Variants in DRD2 observed in about 807,000 individuals in gnomAD.
The protein encoded by DRD2 is D(2) dopamine receptor.
A neutral mutation model predicts 38.0 loss-of-function variants in DRD2; 8 were observed. The ratio of observed to expected loss-of-function variants is 0.21; its 90% CI spans 0.12 to 0.38. The LOEUF is 0.38. Ranked by LOEUF, DRD2 falls within the 10% of genes least tolerant of loss-of-function variation. The probability of loss-of-function intolerance (pLI) is 1.00; values close to 1 mark genes in which losing one functional copy is unlikely to be tolerated. For missense variants in DRD2, 403 were observed against 607.7 expected (o/e 0.66, Z 3.54); for synonymous variants, 230 against 238.6 (o/e 0.96, Z 0.33).
chr11:113,434,338 G>C (rs571688229), intron 1 of DRD2, among the ~76,000 whole-genome samples: 3 of 152,350 alleles, frequency 2.0e-5, no homozygotes, highest in Admixed American at 1.3e-4. Context: ...CGTCCATGGA[G>C]ATAGCATCTC....
At chr11:113,433,843 T>G (rs1221450035) in intron 1 of DRD2, among the ~76,000 whole-genome samples, 1 of 152,182 alleles carries the variant, frequency 6.6e-6, no homozygotes, top group African/African-American at 2.4e-5. Flanking sequence ...GAATTAAACC[T>G]GGCCAGCAGT....
chr11:113,441,826 T>C (rs565235557), intron 1 of DRD2, among the ~76,000 whole-genome samples: 2 of 151,540 alleles, frequency 1.3e-5, no homozygotes, highest in African/African-American at 2.4e-5. Context: ...CTACTAAAAA[T>C]ATAAAAAATT....
chr11:113,412,935 C>T, intron 6 of DRD2, 52 bp from the exon 7 acceptor site: 2 of 1,558,708 alleles, frequency 1.3e-6, no homozygotes, highest in African/African-American at 2.7e-5. Flanking sequence ...TCCCAGGCAT[C>T]AGCCACCCAT....
chr11:113,435,334 G>T (rs868410026), intron 1 of DRD2, among the ~76,000 whole-genome samples: 273 of 152,120 alleles, frequency 1.8e-3, no homozygotes, highest in Middle Eastern at 0.017. Flanking sequence ...TCAGTGTGGG[G>T]GGGGGTGGGG....
At chr11:113,454,825 C>T (rs901890326) in intron 1 of DRD2, among the ~76,000 whole-genome samples, 2 of 152,158 alleles carry the variant, frequency 1.3e-5, no homozygotes, top group African/African-American at 4.8e-5. Context: ...AAGAAGTAAA[C>T]CCATGCATCT....
chr11:113,463,216 A>T (rs1484151240), intron 1 of DRD2, among the ~76,000 whole-genome samples: 1 of 152,236 alleles, frequency 6.6e-6, no homozygotes, highest in Non-Finnish European at 1.5e-5. Context: ...AAGGCTCACC[A>T]AATCAGCAAT....
At chr11:113,420,331 C>T (rs1234974859) in intron 2 of DRD2, among the ~76,000 whole-genome samples, 2 of 152,206 alleles carry the variant, frequency 1.3e-5, no homozygotes, top group Non-Finnish European at 2.9e-5. Context: ...CCTTCATGGA[C>T]ATCTTAAATC....
At chr11:113,439,597 C>T (rs1269298587) in intron 1 of DRD2, among the ~76,000 whole-genome samples, 1 of 151,870 alleles carries the variant, frequency 6.6e-6, no homozygotes, top group African/African-American at 2.4e-5. Context: ...CCCAGCACTT[C>T]GAGAGGCTGA....
chr11:113,429,524 C>T (rs189105659), intron 1 of DRD2, among the ~76,000 whole-genome samples: 217 of 152,218 alleles, frequency 1.4e-3, no homozygotes, highest in African/African-American at 4.4e-3. Context: ...GGATTACAGG[C>T]GTGAGCCACC....
rs1359379112 is a variant in DRD2, at chr11:113,410,931, G to A, written c.1139-11C>T. 4.4e-6 allele frequency: 7 copies of A among 1,605,266 alleles called. No homozygotes were observed. Among genetic ancestry groups the A allele is most frequent in the Admixed American group, 1.7e-5 (1 of 59,826 alleles). On this transcript the variant is annotated splice_polypyrimidine_tract_variant and intron_variant, in intron 7 of 7. Transcript: ENST00000362072. ...AGATGATGAACACGCCTGGGGGAGAGGGCATGGTCAGGCTGGTCCCCAGAG... is the reference window on the plus strand; with the variant it reads ...AGATGATGAACACGCCTGGGGGAGAAGGCATGGTCAGGCTGGTCCCCAGAG...
At chr11:113,446,312 C>T (rs1292172191) in intron 1 of DRD2, among the ~76,000 whole-genome samples, 2 of 152,312 alleles carry the variant, frequency 1.3e-5, no homozygotes, top group African/African-American at 2.4e-5. Context: ...CTACCCCCGG[C>T]GCTGAGTCAG....
At chr11:113,433,397 G>A (rs1055915342) in intron 1 of DRD2, among the ~76,000 whole-genome samples, 1 of 152,196 alleles carries the variant, frequency 6.6e-6, no homozygotes, top group Admixed American at 6.5e-5. Flanking sequence ...TACTGTGGGG[G>A]AACAGGTCTG....
chr11:113,415,662 A>T (rs778351726), intron 4 of DRD2, 51 bp from the exon 5 acceptor site: 1 of 1,561,914 alleles, frequency 6.4e-7, no homozygotes, highest in Non-Finnish European at 8.7e-7. Flanking sequence ...CCCACCGGCC[A>T]TAATTCCACA....
At chr11:113,438,179 C>A (rs1021210056) in intron 1 of DRD2, among the ~76,000 whole-genome samples, 1 of 151,876 alleles carries the variant, frequency 6.6e-6, no homozygotes, top group Non-Finnish European at 1.5e-5. Flanking sequence ...TGTGTCAATG[C>A]GTCCTATTTT....
At chr11:113,449,904 G>A (rs762607008) in intron 1 of DRD2, 5 of 152,568 alleles carry the variant, frequency 3.3e-5, no homozygotes, top group African/African-American at 4.8e-5. Context: ...GTGAGCAGTT[G>A]TGGGTAGAAC....
At position 113,452,469 on chromosome 11, in the gene DRD2, T is replaced by TGTGTGC. The variant is rs1210531875; in HGVS notation, c.-32+22606_-32+22607insGCACAC. On this transcript the variant is annotated intron_variant, in intron 1 of 7. Coordinates refer to ENST00000362072, the MANE Select transcript of DRD2 (RefSeq NM_000795.4). ...GTGTGTGTGTGTGTGTGTGTGTGTG[T>TGTGTGC]GCGCGCGCGCGCGCGCGCACATTGG... Among the ~76,000 whole-genome samples the TGTGTGC allele has an allele frequency of 4.6e-3, 551 of 118,776 alleles. 5 individuals carry two copies. The highest frequency in any genetic ancestry group is 0.022 in the East Asian group (80 of 3,620). 77.9% of individuals were successfully genotyped at this position (118,776 alleles called of 152,430 possible).
At chr11:113,420,477 T>C (rs1245967945) in intron 2 of DRD2, among the ~76,000 whole-genome samples, 3 of 152,226 alleles carry the variant, frequency 2.0e-5, no homozygotes, top group Admixed American at 1.3e-4. Flanking sequence ...CCACTGTCCA[T>C]AAGACATCTA....
At chr11:113,417,518 G>A (rs1481124870) in intron 3 of DRD2, among the ~76,000 whole-genome samples, 2 of 152,240 alleles carry the variant, frequency 1.3e-5, no homozygotes, top group East Asian at 3.9e-4. Context: ...TGTGAGGGAG[G>A]TAGGGTCATA....
chr11:113,447,111 G>A (rs574860271), intron 1 of DRD2, among the ~76,000 whole-genome samples: 1 of 152,282 alleles, frequency 6.6e-6, no homozygotes, highest in Admixed American at 6.5e-5. Context: ...GCCCTTGCAA[G>A]TCCAAACCTG....
Sources: gnomAD v4.1 joint callset for allele counts (sites outside exome capture counted in the v4.1 genomes callset) on GRCh38, gnomAD v4.1.1 for gene constraint, MANE v1.5 for transcripts, NCBI Gene and HGNC (gene_info 2026-07-23, HGNC 2026-07-21) for gene names.